PCDHA4: variants seen among roughly 807,000 people sequenced by gnomAD.
PCDHA4 encodes protocadherin alpha 4.
PCDHA4 carries 49 observed loss-of-function variants against 61.4 expected under a neutral mutation model. The observed-to-expected ratio is 0.80, with a 90% CI of 0.63 to 1.01. The LOEUF is 1.01. Among genes scored for constraint, PCDHA4 ranks in the 50% least tolerant of loss-of-function variants. The pLI is 0.00. For synonymous variants in PCDHA4, 590 were observed against 550.3 expected (o/e 1.07, Z -1.01); for missense variants, 1,254 against 1,235.8 (o/e 1.01, Z -0.22).
chr5:140,956,044 T>G (rs1335890349), intron 1 of PCDHA4, among the ~76,000 whole-genome samples: 1 of 152,200 alleles, frequency 6.6e-6, no homozygotes, highest in African/African-American at 2.4e-5. Context: ...AAGAAGCTTT[T>G]GGGCTGAGAC....
intron 1 of PCDHA4, chr5:140,849,181 T>C: frequency 1.9e-6 from 2 of 1,077,314 alleles, no homozygotes; most frequent in African/African-American, 1.9e-5. Context: ...GTTCAATTAC[T>C]CATCACGGTA....
At chr5:140,842,602 G>C in intron 1 of PCDHA4, 1 of 1,547,148 alleles carries the variant, frequency 6.5e-7, no homozygotes, top group Non-Finnish European at 8.8e-7. Context: ...TGGTAACCGC[G>C]CGGGACGGGG....
At position 140,939,517 on chromosome 5, in the gene PCDHA4, G is replaced by GACATTGTAGAATTATAGAATTCTACATAA. The variant is rs559604027; in HGVS notation, c.2386-39432_2386-39431insACATTGTAGAATTATAGAATTCTACATAA. 5.4e-3 allele frequency among the ~76,000 whole-genome samples: 825 copies of GACATTGTAGAATTATAGAATTCTACATAA among 152,166 alleles called. 3 individuals carry two copies. Among genetic ancestry groups the GACATTGTAGAATTATAGAATTCTACATAA allele is most frequent in the African/African-American group, 0.019 (794 of 41,518 alleles). On this transcript the variant is annotated intron_variant, in intron 1 of 3. Coordinates refer to ENST00000530339, the MANE Select transcript of PCDHA4 (RefSeq NM_018907.4). Reference sequence around the variant, plus strand: ...AAATTCAATGTCTATAACATTAATAGTTATAGAATTATACAGAGCCTCTAT... The same window carrying GACATTGTAGAATTATAGAATTCTACATAA: ...AAATTCAATGTCTATAACATTAATAGACATTGTAGAATTATAGAATTCTACATAATTATAGAATTATACAGAGCCTCTAT...
intron 1 of PCDHA4, chr5:140,831,268 T>C (rs1361595805): frequency 1.3e-5 from 2 of 152,248 alleles, no homozygotes; most frequent in Non-Finnish European, 2.9e-5. Flanking sequence ...TGAATTTCAC[T>C]TGATGGTCTT....
chr5:140,849,764 G>A, intron 1 of PCDHA4: 1 of 1,598,518 alleles, frequency 6.3e-7, no homozygotes, highest in South Asian at 1.1e-5. Context: ...CCTACGAGCT[G>A]GTGGTTACCG....
intron 1 of PCDHA4, chr5:140,829,722 C>T: frequency 6.2e-7 from 1 of 1,613,622 alleles, no homozygotes; most frequent in East Asian, 2.2e-5. Context: ...GGCGTGCCGC[C>T]TCTGGGCAGC....
Position 140,818,873 on chromosome 5 carries a change from G to A in PCDHA4, c.2385+9301G>A, listed in dbSNP as rs145798187. 6.6e-5 allele frequency among the ~76,000 whole-genome samples: 10 copies of A among 152,306 alleles called. No individual in the cohort carries two copies. In the East Asian group the frequency reaches 1.7e-3, roughly 26 times the overall value. On this transcript the variant is annotated intron_variant, in intron 1 of 3. Coordinates refer to ENST00000530339, the MANE Select transcript of PCDHA4 (RefSeq NM_018907.4). The stretch of plus-strand genomic sequence containing the variant: ...CTATAGGTAGAGGCATAAAAAAGAT[G>A]CCTGAGATTGCATCTCTTGAATTTA...
intron 1 of PCDHA4, chr5:140,823,490 C>G (rs2150126315): frequency 6.2e-7 from 1 of 1,613,236 alleles, no homozygotes; most frequent in Non-Finnish European, 8.5e-7. Flanking sequence ...GTGGGTGGCA[C>G]CGGCGGCGCA....
intron 1 of PCDHA4, chr5:140,859,028 T>C (rs1281709317): frequency 6.6e-6 from 1 of 150,998 alleles, no homozygotes; most frequent in Non-Finnish European, 1.5e-5. Flanking sequence ...AGTTAAATGC[T>C]TTGAACTTTA....
intron 1 of PCDHA4, chr5:140,825,415 AAT>A (rs2150139433): frequency 1.7e-4 from 25 of 146,774 alleles, no homozygotes; most frequent in African/African-American, 4.7e-4. Flanking sequence ...TATTTTATAT[AAT>A]ATATATAATA....
At position 140,809,410 on chromosome 5, in the gene PCDHA4, C is replaced by T. The variant is rs782200079; in HGVS notation, c.2223C>T (p.Cys741=). 3 of 1,614,104 alleles carry T rather than the reference C, an allele frequency of 1.9e-6. No individual in the cohort carries two copies. In the South Asian group the frequency reaches 3.3e-5, roughly 18 times the overall value. Residue 741 remains cysteine (C), a synonymous_variant, in exon 1 of 4, where the codon TGC becomes TGT. Coordinates refer to ENST00000530339, the MANE Select transcript of PCDHA4 (RefSeq NM_018907.4). ...ACAPGKPTLV[C]SSAVGSWSYS... ...CTCCGGGCAAGCCCACGCTGGTGTG[C>T]TCCAGTGCGGTGGGGAGCTGGTCAT...
At position 140,950,434 on chromosome 5, in the gene PCDHA4, A is replaced by G. The variant is rs554490421; in HGVS notation, c.2386-28515A>G. Among the ~76,000 whole-genome samples, 4 of 152,176 alleles carry G rather than the reference A, an allele frequency of 2.6e-5. No homozygotes were observed. The South Asian group carries it at 8.3e-4, about 32-fold the overall frequency. On this transcript the variant is annotated intron_variant, in intron 1 of 3. Transcript: ENST00000530339. ...AGATTTTATTTTCTTCCACTTAAAA[A>G]AAATGTTATTCTACTGTCTTCTAAT...
In PCDHA4 at chr5:141,009,947, A is replaced by G; in HGVS notation, c.*10A>G. On this transcript the variant is annotated 3_prime_UTR_variant, in exon 4 of 4. Coordinates refer to ENST00000530339, the MANE Select transcript of PCDHA4 (RefSeq NM_018907.4). ...CAACAGTGACCAGTGAGGTCCTCAAATGGAAACAAGCCACTTAGCCAGTTT... is the reference window on the plus strand; with the variant it reads ...CAACAGTGACCAGTGAGGTCCTCAAGTGGAAACAAGCCACTTAGCCAGTTT... The G allele has an allele frequency of 1.9e-6, 3 of 1,596,272 alleles. No individual in the cohort carries two copies. The South Asian group carries it at 3.4e-5, about 18-fold the overall frequency.
intron 1 of PCDHA4, chr5:140,858,495 G>A (rs2045450784): frequency 6.7e-7 from 1 of 1,481,628 alleles, no homozygotes; most frequent in East Asian, 2.5e-5. Flanking sequence ...TTCTCTTACC[G>A]CATTTTCTCA....
intron 1 of PCDHA4, chr5:140,927,637 G>C (rs1554204838): frequency 6.2e-7 from 1 of 1,614,176 alleles, no homozygotes; most frequent in Non-Finnish European, 8.5e-7. Flanking sequence ...TGCACCCAAT[G>C]GGACTGTGTT....
chr5:140,829,627 G>A, intron 1 of PCDHA4: 1 of 1,612,248 alleles, frequency 6.2e-7, no homozygotes, highest in Non-Finnish European at 8.5e-7. Context: ...CGGTGCACGC[G>A]GAGAGCGGCA....
At chr5:140,994,197 G>A (rs1449482897) in intron 3 of PCDHA4, among the ~76,000 whole-genome samples, 1 of 152,196 alleles carries the variant, frequency 6.6e-6, no homozygotes. Context: ...GGGCCTGTTG[G>A]TCCAGAATGG....
chr5:140,842,551 C>CACCAACTG, intron 1 of PCDHA4: 1 of 1,596,422 alleles, frequency 6.3e-7, no homozygotes, highest in Non-Finnish European at 8.6e-7. Flanking sequence ...TGGTGCTGGA[C>CACCAACTG]AGCGCCCTGG....
intron 1 of PCDHA4, chr5:140,823,744 C>A (rs2150128699): frequency 1.2e-6 from 2 of 1,613,854 alleles, no homozygotes; most frequent in Non-Finnish European, 1.7e-6. Context: ...TGGAGAGCCC[C>A]CGCTGACAGC....
Sources: allele counts gnomAD v4.1 joint callset (sites outside exome capture counted in the v4.1 genomes callset), GRCh38; gene constraint gnomAD v4.1.1; transcripts MANE v1.5; gene names NCBI Gene and HGNC (gene_info 2026-07-23, HGNC 2026-07-21).